Variants in PIAS2 observed in about 807,000 individuals in gnomAD.
PIAS2 encodes the protein protein inhibitor of activated STAT 2, also known as E3 SUMO-protein ligase PIAS2.
Under a neutral mutation model 69.7 loss-of-function variants are expected in PIAS2, and 19 were observed. The ratio of observed to expected loss-of-function variants is 0.27; its 90% CI spans 0.19 to 0.40. The LOEUF (loss-of-function observed/expected upper bound fraction) is 0.40, where lower values mean the gene tolerates loss of function less well. Ranked by LOEUF, PIAS2 falls within the 10% of genes least tolerant of loss-of-function variation. PIAS2 has a pLI of 1.00. For missense variants in PIAS2, 624 were observed against 757.0 expected (o/e 0.82, Z 2.06); for synonymous variants, 261 against 263.2 (o/e 0.99, Z 0.08).
At chr18:46,839,944 C>T (rs1293476107) in intron 8 of PIAS2, among the ~76,000 whole-genome samples, 3 of 151,138 alleles carry the variant, frequency 2.0e-5, no homozygotes, top group African/African-American at 7.3e-5. Context: ...GGGGGAATCA[C>T]GAGGTCAAAA....
At chr18:46,873,890 CT>C (rs2050753045) in intron 2 of PIAS2, among the ~76,000 whole-genome samples, 1 of 152,170 alleles carries the variant, frequency 6.6e-6, no homozygotes, top group African/African-American at 2.4e-5. Flanking sequence ...CTTTCTCCCC[CT>C]ACCGCCATTC....
In PIAS2 at chr18:46,810,420, G is replaced by A. The variant is rs1314425866; in HGVS notation, c.*2013C>T. 3 of 152,040 alleles carry A rather than the reference G, an allele frequency of 2.0e-5. No individual in the cohort carries two copies. Among genetic ancestry groups the A allele is most frequent in the Admixed American group, 2.0e-4 (3 of 15,262 alleles). 9.4% of individuals were successfully genotyped at this position (152,040 alleles called of 1,614,324 possible). On this transcript the variant is annotated 3_prime_UTR_variant, in exon 14 of 14. Coordinates refer to ENST00000585916, the MANE Select transcript of PIAS2 (RefSeq NM_004671.5). The stretch of plus-strand genomic sequence containing the variant: ...TAAGTTTTTTCTATCTGATTACAGA[G>A]TCAATAAATATTGCATCTGTATTTA...
chr18:46,864,821 A>G (rs1357856955), intron 2 of PIAS2, among the ~76,000 whole-genome samples: 1 of 152,062 alleles, frequency 6.6e-6, no homozygotes, highest in Non-Finnish European at 1.5e-5. Context: ...AAACGCTTCA[A>G]TATTACATTT....
At chr18:46,818,227 T>C (rs2041777496) in intron 12 of PIAS2, 1 of 1,218,540 alleles carries the variant, frequency 8.2e-7, no homozygotes, top group East Asian at 3.4e-5. Flanking sequence ...AATATGTAAA[T>C]GTTTAGCACT....
intron 10 of PIAS2, among the ~76,000 whole-genome samples, chr18:46,828,414 T>C (rs2043121388): frequency 1.3e-5 from 2 of 152,190 alleles, no homozygotes; most frequent in Non-Finnish European, 2.9e-5. Flanking sequence ...ACTGAAGGAT[T>C]TGTGCAGCTC....
In PIAS2 at chr18:46,810,265, T is replaced by A. The variant is rs1433625369; in HGVS notation, c.*2168A>T. 1 of 152,116 alleles carries A rather than the reference T, an allele frequency of 6.6e-6. No individual in the cohort carries two copies. Among genetic ancestry groups the A allele is most frequent in the Admixed American group, 6.5e-5 (1 of 15,282 alleles). The allele number at this position is 152,116 out of a possible 1,614,324, so 9.4% of individuals were successfully genotyped here. On this transcript the variant is annotated 3_prime_UTR_variant, in exon 14 of 14. Transcript: ENST00000585916. ...TATAAGAACCAAGTAAATAAACTAA[T>A]TTCTATTAATATTTTCATTTACTTT...
chr18:46,834,145 C>T (rs1011006120), intron 9 of PIAS2, among the ~76,000 whole-genome samples: 4 of 151,986 alleles, frequency 2.6e-5, no homozygotes, highest in East Asian at 1.9e-4. Context: ...CAATGTATGA[C>T]GGAACAACTG....
rs557318931 is a variant in PIAS2, at chr18:46,864,190, T to C, written c.558A>G (p.Gln186=). The C allele has an allele frequency of 3.3e-5, 52 of 1,590,794 alleles. No homozygotes were observed. Among genetic ancestry groups the C allele is most frequent in the African/African-American group, 9.5e-5 (7 of 73,910 alleles). Residue 186 remains glutamine, a synonymous_variant, in exon 3 of 14, where the codon CAA becomes CAG. Transcript: ENST00000585916. ...EKFFIFALTP[Q]QVREICISRD... ...TGGATATGCATATCTCTCTAACTTGTTGAGGTGTCAAAGCAAAAATAAAAA... is the reference window on the plus strand; with the variant it reads ...TGGATATGCATATCTCTCTAACTTGCTGAGGTGTCAAAGCAAAAATAAAAA...
At chr18:46,854,983 C>T (rs1241505404) in intron 5 of PIAS2, among the ~76,000 whole-genome samples, 2 of 152,000 alleles carry the variant, frequency 1.3e-5, no homozygotes, top group Non-Finnish European at 2.9e-5. Flanking sequence ...GCTCCAGGCT[C>T]TAGCCAGGTA....
chr18:46,908,604 T>C (rs534402047), intron 1 of PIAS2, among the ~76,000 whole-genome samples: 63 of 151,312 alleles, frequency 4.2e-4, no homozygotes, highest in African/African-American at 1.5e-3. Flanking sequence ...TAATGGAAAA[T>C]ATCTTCGAGA....
At chr18:46,871,443 G>A (rs1322701178) in intron 2 of PIAS2, among the ~76,000 whole-genome samples, 1 of 152,124 alleles carries the variant, frequency 6.6e-6, no homozygotes, top group Non-Finnish European at 1.5e-5. Flanking sequence ...CTCAGAACAG[G>A]GAGGGAGGGA....
chr18:46,913,617 G>T (rs187345072), intron 1 of PIAS2, among the ~76,000 whole-genome samples: 13 of 151,582 alleles, frequency 8.6e-5, no homozygotes, highest in African/African-American at 2.9e-4. Context: ...TGAGTGATGA[G>T]AAGTAGGGAA....
chr18:46,869,651 G>A (rs1461936429), intron 2 of PIAS2, among the ~76,000 whole-genome samples: 1 of 152,156 alleles, frequency 6.6e-6, no homozygotes, highest in Admixed American at 6.5e-5. Context: ...AGTCCCTTAG[G>A]TCTCATGTTA....
rs557806188 is a variant in PIAS2, at chr18:46,867,577, G to T, written c.500-3329C>A. Among the ~76,000 whole-genome samples, 15 of 152,288 alleles carry T rather than the reference G, an allele frequency of 9.8e-5. No individual in the cohort carries two copies. The South Asian group carries it at 3.1e-3, about 32-fold the overall frequency. ...CCAATTCTGCAGAGATTCCATGAAT[G>T]CCTTTAAGTTAAGAGCAAATGAAAT... On this transcript the variant is annotated intron_variant, in intron 2 of 13. Coordinates refer to ENST00000585916, the MANE Select transcript of PIAS2 (RefSeq NM_004671.5).
At chr18:46,838,545 A>G (rs1346746032) in intron 8 of PIAS2, among the ~76,000 whole-genome samples, 1 of 152,230 alleles carries the variant, frequency 6.6e-6, no homozygotes, top group Non-Finnish European at 1.5e-5. Context: ...GTGGCACGAT[A>G]TAACTCATCA....
Position 46,807,314 on chromosome 18 carries a change from T to C in PIAS2, c.*5119A>G, listed in dbSNP as rs536360066. On this transcript the variant is annotated 3_prime_UTR_variant, in exon 14 of 14. Transcript: ENST00000585916. ...GTGCCAGTAAAATCATGGGAAAAGC[T>C]TGGATAGCCATACGTAGGTGTTTCT... The C allele has an allele frequency of 1.3e-4, 18 of 136,092 alleles. No homozygotes were observed. The highest frequency in any genetic ancestry group is 5.1e-4 in the African/African-American group (18 of 35,354). The allele number at this position is 136,092 out of a possible 1,614,324, so 8.4% of individuals were successfully genotyped here.
In PIAS2 at chr18:46,809,135, T is replaced by A. The variant is rs1054587286; in HGVS notation, c.*3298A>T. 1 of 152,238 alleles carries A rather than the reference T, an allele frequency of 6.6e-6. No homozygotes were observed. The highest frequency in any genetic ancestry group is 1.5e-5 in the Non-Finnish European group (1 of 68,042). The allele number at this position is 152,238 out of a possible 1,614,324, so 9.4% of individuals were successfully genotyped here. On this transcript the variant is annotated 3_prime_UTR_variant, in exon 14 of 14. Transcript: ENST00000585916. The stretch of plus-strand genomic sequence containing the variant: ...CTCAAGACTAAGGAAAACTTGGTTT[T>A]ATACCAAGAATTATGAATCAACCTA...
intron 1 of PIAS2, chr18:46,891,546 T>G: frequency 3.8e-6 from 1 of 261,704 alleles, no homozygotes; most frequent in Non-Finnish European, 5.9e-6. Flanking sequence ...AGAACTGTGA[T>G]CCAAAATGCA....
At chr18:46,868,396 C>G (rs781127528) in intron 2 of PIAS2, among the ~76,000 whole-genome samples, 3 of 152,204 alleles carry the variant, frequency 2.0e-5, no homozygotes. Flanking sequence ...TAAGCTCCCC[C>G]TCTTGCTGAG....
Sources: gnomAD v4.1 joint callset for allele counts (sites outside exome capture counted in the v4.1 genomes callset) on GRCh38, gnomAD v4.1.1 for gene constraint, MANE v1.5 for transcripts, NCBI Gene and HGNC (gene_info 2026-07-23, HGNC 2026-07-21) for gene names.